Variants in RAB27A observed in about 807,000 individuals in gnomAD.
RAB27A encodes RAB27A, member RAS oncogene family.
A neutral mutation model predicts 20.8 loss-of-function variants in RAB27A; 17 were observed. That is an observed-to-expected ratio of 0.82 (90% CI 0.56 to 1.23). The LOEUF (loss-of-function observed/expected upper bound fraction) is 1.23. RAB27A is among the 50% of genes most tolerant of loss of function. The probability of loss-of-function intolerance (pLI) is 0.00; values close to 1 mark genes in which losing one functional copy is unlikely to be tolerated. For synonymous variants in RAB27A, 85 were observed against 92.8 expected (o/e 0.92, Z 0.48); for missense variants, 277 against 266.7 (o/e 1.04, Z -0.27).
chr15:55,284,728 G>C (rs891762832), intron 1 of RAB27A, among the ~76,000 whole-genome samples: 3 of 152,146 alleles, frequency 2.0e-5, no homozygotes, highest in Non-Finnish European at 2.9e-5. Context: ...TTAAGGGAAG[G>C]GATTATGCAG....
chr15:55,284,321 A>C (rs1303446794), intron 1 of RAB27A, among the ~76,000 whole-genome samples: 6 of 152,230 alleles, frequency 3.9e-5, no homozygotes, highest in Non-Finnish European at 1.5e-5. Flanking sequence ...AAAAGGGGTG[A>C]GGAATTTTGT....
At chr15:55,267,157 A>G (rs1269489189) in intron 2 of RAB27A, among the ~76,000 whole-genome samples, 4 of 152,178 alleles carry the variant, frequency 2.6e-5, no homozygotes, top group Non-Finnish European at 4.4e-5. Context: ...TGGCAAATCC[A>G]TTCACTGTTT....
At chr15:55,229,531 T>C (rs909001687) in intron 4 of RAB27A, among the ~76,000 whole-genome samples, 17 of 151,818 alleles carry the variant, frequency 1.1e-4, no homozygotes, top group Admixed American at 1.1e-3. Flanking sequence ...CAAAATTAGC[T>C]GTGTGTAGTG....
chr15:55,235,050 A>G, intron 2 of RAB27A, 94 bp from the exon 3 acceptor site: 1 of 987,142 alleles, frequency 1.0e-6, no homozygotes, highest in Non-Finnish European at 1.5e-6. Context: ...TTTAACACCT[A>G]ATGTTAACCT....
At chr15:55,290,248 A>C (rs1320837346), upstream of RAB27A, 1 of 151,832 alleles carries the variant, frequency 6.6e-6, no homozygotes, top group Non-Finnish European at 1.5e-5. Flanking sequence ...GGGCGTACTC[A>C]CGCCGGCCCC....
intron 6 of RAB27A, among the ~76,000 whole-genome samples, chr15:55,209,992 G>A (rs1360324305): frequency 1.6e-5 from 2 of 123,732 alleles, no homozygotes; most frequent in South Asian, 5.1e-4. Flanking sequence ...ACATATATAC[G>A]CATATATGTG....
intron 5 of RAB27A, among the ~76,000 whole-genome samples, chr15:55,224,523 A>G (rs944029485): frequency 6.6e-6 from 1 of 152,230 alleles, no homozygotes; most frequent in Non-Finnish European, 1.5e-5. Context: ...CAACTCATTT[A>G]AAACAAACAA....
Position 55,230,441 on chromosome 15 carries a change from T to C in RAB27A, c.199A>G (p.Arg67Gly). The part of the protein sequence containing the change: ...GPDGATGRGQ[R>G]IHLQLWDTAG... ...GTGTCCCATAACTGCAGGTGGATTCTCTGGCCTCTGCCAGTGGCTCCATCC... is the reference window on the plus strand; with the variant it reads ...GTGTCCCATAACTGCAGGTGGATTCCCTGGCCTCTGCCAGTGGCTCCATCC... The change falls in exon 4 of 7, where the codon AGA becomes GGA. Residue 67 changes from arginine (R) to glycine (G), a missense_variant. Physicochemically the swap from Arg to Gly is moderately radical, Grantham distance 125. Coordinates refer to ENST00000336787, the MANE Select transcript of RAB27A (RefSeq NM_183235.3). 1 of 1,613,988 alleles carries C rather than the reference T, an allele frequency of 6.2e-7. No homozygotes were observed. The highest frequency in any genetic ancestry group is 8.5e-7 in the Non-Finnish European group (1 of 1,179,874).
chr15:55,303,001 C>T lies in RAB27A; in HGVS notation c.-112+11038G>A, dbSNP rs1296486839. Among the ~76,000 whole-genome samples, 252 of 143,882 alleles carry T rather than the reference C, an allele frequency of 1.8e-3. 3 individuals are homozygous for T. Among genetic ancestry groups the T allele is most frequent in the African/African-American group, 6.3e-3 (234 of 36,854 alleles). 94.4% of individuals were successfully genotyped at this position (143,882 alleles called of 152,430 possible). On this transcript the variant is annotated intron_variant, in intron 2 of 5. Transcript: ENST00000563262. ...GGGAGGTGGGGGGGGGTCAACCCCC[C>T]GCCCGGCCAGCCGCCCCATCCGGGA...
In RAB27A at chr15:55,228,767, T is replaced by C. The variant is rs1177102783; in HGVS notation, c.240-55A>G. On this transcript the variant is annotated intron_variant, in intron 4 of 6. Coordinates refer to ENST00000336787, the MANE Select transcript of RAB27A (RefSeq NM_183235.3). ...AAACCACGGCCCCACTCCTGAAATA[T>C]AAAACTACAAGCAATGCCTTCAGCC... is the stretch of plus-strand genomic sequence containing the variant. 2.4e-6 allele frequency: 3 copies of C among 1,258,706 alleles called. No individual in the cohort carries two copies. The East Asian group carries it at 7.0e-5, about 29-fold the overall frequency. The allele number at this position is 1,258,706 out of a possible 1,614,324, so 78.0% of individuals were successfully genotyped here.
chr15:55,212,168 T>C lies in RAB27A; in HGVS notation c.468-6463A>G, dbSNP rs559078036. Among the ~76,000 whole-genome samples, 29 of 152,274 alleles carry C rather than the reference T, an allele frequency of 1.9e-4. No homozygotes were observed. In the South Asian group the frequency reaches 5.8e-3, roughly 30 times the overall value. ...ATGATTCACTAAATATAACCACTAC[T>C]GTATTCAGGTACACAATATTCCCAT... is the stretch of plus-strand genomic sequence containing the variant. On this transcript the variant is annotated intron_variant, in intron 6 of 6. Transcript: ENST00000336787.
At chr15:55,303,622 C>A (rs2054984283) in intron 2 of RAB27A, among the ~76,000 whole-genome samples, 1 of 106,424 alleles carries the variant, frequency 9.4e-6, no homozygotes, top group Non-Finnish European at 1.9e-5. Context: ...GGGGGTCGGC[C>A]CCCCGCCCGG....
At chr15:55,241,624 A>ATATATATATATATATATATATGTGTG (rs377301086) in intron 2 of RAB27A, among the ~76,000 whole-genome samples, 59 of 117,614 alleles carry the variant, frequency 5.0e-4, no homozygotes, top group African/African-American at 2.4e-3. Flanking sequence ...ATATATATAT[A>ATATATATATATATATATATATGTGTG]TGTGTGTATA....
chr15:55,234,659 T>G, intron 3 of RAB27A, 123 bp downstream of exon 3: 1 of 1,092,316 alleles, frequency 9.2e-7, no homozygotes, highest in Non-Finnish European at 1.4e-6. Flanking sequence ...TAACTCACTT[T>G]CATATGTACC....
intron 2 of RAB27A, among the ~76,000 whole-genome samples, chr15:55,255,396 T>C (rs1897042645): frequency 6.6e-6 from 1 of 152,190 alleles, no homozygotes; most frequent in South Asian, 2.1e-4. Context: ...CATGGGTGTG[T>C]TTCATCTCTT....
At chr15:55,303,230 C>T (rs1473835953) in intron 2 of RAB27A, among the ~76,000 whole-genome samples, 1 of 89,716 alleles carries the variant, frequency 1.1e-5, no homozygotes, top group Admixed American at 9.7e-5. Context: ...CCCCTCAGCC[C>T]GGCCAGCCGC....
intron 1 of RAB27A, among the ~76,000 whole-genome samples, chr15:55,280,392 A>G (rs1287892522): frequency 6.6e-6 from 1 of 151,972 alleles, no homozygotes; most frequent in Non-Finnish European, 1.5e-5. Context: ...CAATCACTAG[A>G]GCAGTATTTA....
At chr15:55,272,071 T>C (rs1459303842) in intron 1 of RAB27A, among the ~76,000 whole-genome samples, 1 of 152,210 alleles carries the variant, frequency 6.6e-6, no homozygotes, top group Non-Finnish European at 1.5e-5. Flanking sequence ...TTAAAATTCA[T>C]TAGAGTTAGC....
intron 2 of RAB27A, among the ~76,000 whole-genome samples, chr15:55,256,137 G>C (rs191398673): frequency 6.6e-6 from 1 of 152,248 alleles, no homozygotes; most frequent in East Asian, 1.9e-4. Flanking sequence ...GCAATCTGTC[G>C]GGCATGGAGG....
Sources: allele counts gnomAD v4.1 joint callset (sites outside exome capture counted in the v4.1 genomes callset), GRCh38; gene constraint gnomAD v4.1.1; transcripts MANE v1.5; gene names NCBI Gene and HGNC (gene_info 2026-07-23, HGNC 2026-07-21).